AK3: variants seen among roughly 807,000 people sequenced by gnomAD.
AK3 encodes the protein adenylate kinase 3.
Under a neutral mutation model 23.7 loss-of-function variants are expected in AK3, and 27 were observed. That is an observed-to-expected ratio of 1.14 (90% CI 0.84 to 1.57). The LOEUF is 1.57. Ranked by LOEUF, AK3 falls within the 40% of genes most tolerant of loss-of-function variation. AK3 has a pLI of 0.00. For missense variants in AK3, 406 were observed against 285.6 expected, an observed-to-expected ratio of 1.42 and a Z score of -3.04; for synonymous variants, 159 against 116.0, an observed-to-expected ratio of 1.37 and a Z score of -2.38.
chr9:4,740,792 C>G, intron 1 of AK3, 145 bp downstream of exon 1: 1 of 1,104,232 alleles, frequency 9.1e-7, no homozygotes, highest in Non-Finnish European at 1.2e-6. Context: ...CGCAGTCGCT[C>G]AGCAGCCCGA....
intron 1 of AK3, among the ~76,000 whole-genome samples, chr9:4,725,243 T>A (rs1403654176): frequency 2.6e-5 from 4 of 151,400 alleles, no homozygotes; most frequent in East Asian, 3.9e-4. Flanking sequence ...AGGCTCGAAA[T>A]CCTGACCTCG....
intron 2 of AK3, among the ~76,000 whole-genome samples, chr9:4,721,946 C>T (rs1841908921): frequency 6.6e-6 from 1 of 152,166 alleles, no homozygotes; most frequent in South Asian, 2.1e-4. Context: ...TGCACGCGTG[C>T]CTGTGTGCGA....
intron 4 of AK3, among the ~76,000 whole-genome samples, chr9:4,713,374 G>A (rs912537352): frequency 1.3e-5 from 2 of 152,136 alleles, no homozygotes; most frequent in African/African-American, 4.8e-5. Context: ...CAAAGGCTGT[G>A]CTACATGCTT....
intron 1 of AK3, among the ~76,000 whole-genome samples, chr9:4,724,071 A>G (rs1841965827): frequency 6.6e-6 from 1 of 152,228 alleles, no homozygotes; most frequent in Non-Finnish European, 1.5e-5. Context: ...CAGTAACTGC[A>G]TGGACACGGG....
chr9:4,713,624 T>C (rs1027412095), intron 4 of AK3, among the ~76,000 whole-genome samples: 1 of 152,276 alleles, frequency 6.6e-6, no homozygotes, highest in Admixed American at 6.5e-5. Context: ...TATGTTCTCC[T>C]CTATTCCACT....
intron 1 of AK3, among the ~76,000 whole-genome samples, chr9:4,737,588 C>T (rs542688375): frequency 5.8e-4 from 88 of 152,244 alleles, no homozygotes; most frequent in African/African-American, 2.1e-3. Context: ...GTGGTGCAAG[C>T]CTGTAGTCCC....
chr9:4,732,618 AG>A (rs1842180811), intron 1 of AK3, among the ~76,000 whole-genome samples: 1 of 152,260 alleles, frequency 6.6e-6, no homozygotes, highest in Admixed American at 6.5e-5. Context: ...AGAGAAAAAT[AG>A]GGAAACTCAA....
At chr9:4,729,363 C>G (rs998822724) in intron 1 of AK3, among the ~76,000 whole-genome samples, 4 of 152,036 alleles carry the variant, frequency 2.6e-5, no homozygotes, top group African/African-American at 9.7e-5. Flanking sequence ...CTAGTTCCAG[C>G]TATTCAGGAG....
chr9:4,741,185 C>G lies in AK3; in HGVS notation c.-98G>C, dbSNP rs1842425414. The G allele has an allele frequency of 1.8e-5, 23 of 1,259,714 alleles. No individual in the cohort carries two copies. The highest frequency in any genetic ancestry group is 2.2e-5 in the Non-Finnish European group (22 of 981,714). The allele number at this position is 1,259,714 out of a possible 1,614,324, so 78.0% of individuals were successfully genotyped here. A position where few individuals can be genotyped will look rare whatever the true frequency, so the allele number is the denominator to read the frequency against. On this transcript the variant is annotated 5_prime_UTR_variant, in exon 1 of 5. Coordinates refer to ENST00000381809, the MANE Select transcript of AK3 (RefSeq NM_016282.4). ...GCCTGCGCCGGCCGGCTAGCAGCGCCACTAGCAGGCGGCTACTGCGGTTCC... is the reference window on the plus strand; with the variant it reads ...GCCTGCGCCGGCCGGCTAGCAGCGCGACTAGCAGGCGGCTACTGCGGTTCC...
At chr9:4,724,259 GA>G (rs926176992) in intron 1 of AK3, among the ~76,000 whole-genome samples, 2 of 150,050 alleles carry the variant, frequency 1.3e-5, no homozygotes, top group African/African-American at 2.4e-5. Context: ...ACAGCATTTG[GA>G]AAAAAAAATG....
intron 4 of AK3, among the ~76,000 whole-genome samples, chr9:4,715,977 C>G (rs555970680): frequency 4.6e-5 from 7 of 152,126 alleles, no homozygotes; most frequent in African/African-American, 1.7e-4. Flanking sequence ...AGGCTCTTTG[C>G]TGCTGGGGTT....
At chr9:4,735,945 T>A (rs568652296) in intron 1 of AK3, among the ~76,000 whole-genome samples, 2 of 144,002 alleles carry the variant, frequency 1.4e-5, no homozygotes, top group Non-Finnish European at 3.1e-5. Context: ...TGAAACCCCA[T>A]CTCTACTAAA....
chr9:4,726,443 A>C (rs997360470), intron 1 of AK3, among the ~76,000 whole-genome samples: 3 of 152,182 alleles, frequency 2.0e-5, no homozygotes, highest in Non-Finnish European at 4.4e-5. Context: ...TGCCAGTTGA[A>C]TAATGCTCAC....
At chr9:4,714,265 C>A (rs1367395474) in intron 4 of AK3, among the ~76,000 whole-genome samples, 1 of 151,492 alleles carries the variant, frequency 6.6e-6, no homozygotes, top group East Asian at 1.9e-4. Flanking sequence ...ATAAGGACAA[C>A]CTAAGAACTC....
upstream of AK3, chr9:4,741,265 A>C (rs1842427764): frequency 1.6e-6 from 1 of 614,058 alleles, no homozygotes; most frequent in Non-Finnish European, 2.4e-6. Context: ...ACAGCGCGGG[A>C]CCCCGCTGTT....
chr9:4,731,284 T>C (rs894195425), intron 1 of AK3, among the ~76,000 whole-genome samples: 1 of 152,090 alleles, frequency 6.6e-6, no homozygotes, highest in Non-Finnish European at 1.5e-5. Context: ...CTCCATCCTC[T>C]GAAAGGCCCT....
intron 4 of AK3, 75 bp downstream of exon 4, chr9:4,718,344 C>T (rs1841792337): frequency 9.3e-6 from 10 of 1,080,170 alleles, no homozygotes; most frequent in Admixed American, 1.8e-5. Flanking sequence ...AGCATTTCAG[C>T]TGTAGAGGAA....
At chr9:4,725,400 CAACT>C (rs1048552314) in intron 1 of AK3, among the ~76,000 whole-genome samples, 3 of 152,032 alleles carry the variant, frequency 2.0e-5, no homozygotes, top group Non-Finnish European at 4.4e-5. Context: ...ACCAAGAGCA[CAACT>C]AACAAAGGAA....
At chr9:4,714,874 C>A (rs983858827) in intron 4 of AK3, among the ~76,000 whole-genome samples, 2 of 152,102 alleles carry the variant, frequency 1.3e-5, no homozygotes, top group African/African-American at 4.8e-5. Flanking sequence ...AATAAACTTT[C>A]AGTTTTTAGT....
Sources: allele counts gnomAD v4.1 joint callset (sites outside exome capture counted in the v4.1 genomes callset), GRCh38; gene constraint gnomAD v4.1.1; transcripts MANE v1.5; gene names NCBI Gene and HGNC (gene_info 2026-07-23, HGNC 2026-07-21).